Variants in GTPBP2 observed in about 807,000 individuals in gnomAD.
GTPBP2 encodes the protein GTP-binding protein 2.
In GTPBP2, 32 loss-of-function variants were observed where a neutral mutation model predicts 63.0. The observed-to-expected ratio is 0.51, with a 90% CI of 0.38 to 0.68. The LOEUF (loss-of-function observed/expected upper bound fraction) is 0.68. Among genes scored for constraint, GTPBP2 ranks in the 30% least tolerant of loss-of-function variants. GTPBP2 has a pLI of 0.00. For synonymous variants in GTPBP2, 310 were observed against 322.6 expected (o/e 0.96, Z 0.42); for missense variants, 492 against 796.9 (o/e 0.62, Z 4.61).
Position 43,629,236 on chromosome 6 carries a change from C to T in GTPBP2, c.-74G>A. On this transcript the variant is annotated 5_prime_UTR_variant, in exon 1 of 12. It adds an upstream start codon to the 5' untranslated region. Transcript: ENST00000307126. ...GCCGTCGCCGCCGCCCTTACTGCCA[C>T]TGCCGTGTCCGGCCGGCCTGAGCAG... 1 of 1,098,368 alleles carries T rather than the reference C, an allele frequency of 9.1e-7. No homozygotes were observed. 68.0% of individuals were successfully genotyped at this position (1,098,368 alleles called of 1,614,324 possible).
chr6:43,626,346 AGCC>A lies in GTPBP2; in HGVS notation c.275_277del (p.Arg92del). The A allele has an allele frequency of 6.2e-7, 1 of 1,614,148 alleles. No individual in the cohort carries two copies. The highest frequency in any genetic ancestry group is 8.5e-7 in the Non-Finnish European group (1 of 1,180,006). On this transcript the variant is annotated inframe_deletion, in exon 3 of 12. Transcript: ENST00000307126. The surrounding 1 kb of genome is among the most constrained non-coding windows in gnomAD (Gnocchi z 4.0). The stretch of plus-strand genomic sequence containing the variant: ...GACGGCCTCACCACGTCCCTCCTGG[AGCC>A]GCCACTTCATTTGTGTCACCAGGTG...
At chr6:43,630,611 C>T (rs1183777698), upstream of GTPBP2, among the ~76,000 whole-genome samples, 2 of 152,042 alleles carry the variant, frequency 1.3e-5, no homozygotes. Flanking sequence ...GGCGTGGTGG[C>T]GCATGCCTGT....
chr6:43,625,664 A>G lies in GTPBP2; in HGVS notation c.507+92T>C. 1 of 1,397,904 alleles carries G rather than the reference A, an allele frequency of 7.2e-7. No homozygotes were observed. Among genetic ancestry groups the G allele is most frequent in the Non-Finnish European group, 1.0e-6 (1 of 983,624 alleles). 86.6% of individuals were successfully genotyped at this position (1,397,904 alleles called of 1,614,324 possible). A position where few individuals can be genotyped will look rare whatever the true frequency, so the allele number is the denominator to read the frequency against. On this transcript the variant is annotated intron_variant, in intron 4 of 11. Coordinates refer to ENST00000307126, the MANE Select transcript of GTPBP2 (RefSeq NM_019096.5). The surrounding 1 kb of genome is among the most constrained non-coding windows in gnomAD (Gnocchi z 5.1). ...CCCTAGGGAGCAAGTGATGAACTGG[A>G]AGCCCCCAGGATCCCAGGCCAGGAG...
Position 43,624,689 on chromosome 6 carries a change from C to T in GTPBP2, c.921G>A (p.Leu307=). 6.2e-7 allele frequency: 1 copy of T among 1,614,070 alleles called. No individual in the cohort carries two copies. The highest frequency in any genetic ancestry group is 8.5e-7 in the Non-Finnish European group (1 of 1,180,024). ...TREHLGLALA[L]KVPFFIVVSK... is the part of the protein sequence containing the mutation. ...TGACCACGATGAAGAAGGGCACTTT[C>T]AGGGCCAGGGCCAGCCCCAGATGTT... is the stretch of plus-strand genomic sequence containing the variant. The change falls in exon 7 of 12, where the codon CTG becomes CTA. Residue 307 remains leucine (L), a synonymous_variant. Coordinates refer to ENST00000307126, the MANE Select transcript of GTPBP2 (RefSeq NM_019096.5). This position sits in a 1 kb window ranked among gnomAD's most constrained non-coding sequence, Gnocchi z 5.1.
Position 43,621,504 on chromosome 6 carries a change from C to G in GTPBP2, c.*110G>C, listed in dbSNP as rs767972120. 3.2e-6 allele frequency: 5 copies of G among 1,573,742 alleles called. No homozygotes were observed. Among genetic ancestry groups the G allele is most frequent in the Middle Eastern group, 3.3e-4 (2 of 6,024 alleles). On this transcript the variant is annotated 3_prime_UTR_variant, in exon 12 of 12. Coordinates refer to ENST00000307126, the MANE Select transcript of GTPBP2 (RefSeq NM_019096.5). ...AGGGAGCAAGTGGCAGACAGCACCC[C>G]TCTCTCCCTAGCCTATTAACACACA... is the stretch of plus-strand genomic sequence containing the variant.
Position 43,622,785 on chromosome 6 carries a change from C to T in GTPBP2, c.1315G>A (p.Asp439Asn). Residue 439 changes from aspartate (D) to asparagine (N), a missense_variant, in exon 10 of 12, where the codon GAC becomes AAC. By Grantham distance (23) the Asp-to-Asn change is conservative. This residue lies in a region of GTPBP2 where 400 missense variants were observed against 710.8 expected (regional missense o/e 0.56). Transcript: ENST00000307126. This position sits in a 1 kb window ranked among gnomAD's most constrained non-coding sequence, Gnocchi z 5.4. ...TCCGTGGGGCCCACCACCAGCTGGT[C>T]CCCCTCACGGCAAATCCCACTGCAG... ...TLSSGICREG[D>N]QLVVGPTDDG... The T allele has an allele frequency of 6.2e-7, 1 of 1,613,644 alleles. No individual in the cohort carries two copies. Among genetic ancestry groups the T allele is most frequent in the Non-Finnish European group, 8.5e-7 (1 of 1,179,670 alleles).
Position 43,620,979 on chromosome 6 carries a change from T to G in GTPBP2, c.*635A>C. On this transcript the variant is annotated 3_prime_UTR_variant, in exon 12 of 12. Coordinates refer to ENST00000307126, the MANE Select transcript of GTPBP2 (RefSeq NM_019096.5). ...GTGGGGCCTATAAGCCGGGAGGGGA[T>G]GGGGGAGATAGGGACTGGGGAAATG... The G allele has an allele frequency of 5.6e-6, 1 of 178,720 alleles. No homozygotes were observed. Among genetic ancestry groups the G allele is most frequent in the Non-Finnish European group, 1.2e-5 (1 of 83,084 alleles). 11.1% of individuals were successfully genotyped at this position (178,720 alleles called of 1,614,324 possible).
chr6:43,623,624 CA>C, intron 9 of GTPBP2, 112 bp downstream of exon 9: 1 of 795,706 alleles, frequency 1.3e-6, no homozygotes, highest in Non-Finnish European at 2.2e-6. Flanking sequence ...TGCAAATAAG[CA>C]TGTCCTTTAA....
At chr6:43,621,930 G>A in intron 11 of GTPBP2, 73 bp downstream of exon 11, 1 of 1,600,384 alleles carries the variant, frequency 6.2e-7, no homozygotes, top group Non-Finnish European at 8.6e-7. Context: ...GGATCAAGGA[G>A]TTCTCTGCCA....
At chr6:43,628,624 G>C in intron 1 of GTPBP2, 7 of 787,344 alleles carry the variant, frequency 8.9e-6, no homozygotes, top group Non-Finnish European at 1.1e-5. Flanking sequence ...GGTGGTTACT[G>C]TCTGCCTCTC....
chr6:43,627,364 C>A, intron 1 of GTPBP2: 1 of 994,554 alleles, frequency 1.0e-6, no homozygotes, highest in Non-Finnish European at 1.2e-6. Context: ...ACCATTTCCT[C>A]CCTGCCTGCC....
chr6:43,625,467 G>A lies in GTPBP2; in HGVS notation c.601C>T (p.Arg201Trp), dbSNP rs755355753. The A allele has an allele frequency of 2.5e-6, 4 of 1,613,760 alleles. No homozygotes were observed. Among genetic ancestry groups the A allele is most frequent in the East Asian group, 2.2e-5 (1 of 44,866 alleles). The change falls in exon 5 of 12, where the codon CGG (arginine) becomes TGG (tryptophan). Residue 201 changes from arginine to tryptophan, a missense_variant. Coordinates refer to ENST00000307126, the MANE Select transcript of GTPBP2 (RefSeq NM_019096.5). This position sits in a 1 kb window ranked among gnomAD's most constrained non-coding sequence, Gnocchi z 5.1. The part of the protein sequence containing the change: ...VLTQGELDNG[R>W]GRARLNLFRH... ...AAAAGGTTGAGCCGAGCCCGGCCCC[G>A]CCCATTGTCCAGCTCTCCCTGGGTC...
chr6:43,624,614 C>A lies in GTPBP2; in HGVS notation c.996G>T (p.Gln332His). Residue 332 changes from glutamine to histidine, a missense_variant, in exon 7 of 12, where the codon CAG (glutamine) becomes CAT (histidine). By Grantham distance (24) the Gln-to-His change is conservative (BLOSUM62 0). This residue lies in a region of GTPBP2 where 400 missense variants were observed against 710.8 expected (regional missense o/e 0.56). Transcript: ENST00000307126. This position sits in a 1 kb window ranked among gnomAD's most constrained non-coding sequence, Gnocchi z 5.1. Reference protein sequence around the residue: ...AKTTVERTVRQLERVLKQPGC... With the variant: ...AKTTVERTVRHLERVLKQPGC... ...CAGGCTGCTTGAGGACCCGCTCCAG[C>A]TGGCGTACTGTCCTCTCCACTGTGG... The A allele has an allele frequency of 6.2e-7, 1 of 1,614,152 alleles. No homozygotes were observed. The highest frequency in any genetic ancestry group is 8.5e-7 in the Non-Finnish European group (1 of 1,179,996).
chr6:43,628,781 C>G (rs976254165), intron 1 of GTPBP2, 196 bp downstream of exon 1: 1 of 799,582 alleles, frequency 1.3e-6, no homozygotes, highest in Non-Finnish European at 2.3e-6. Flanking sequence ...TCCCTGAGGT[C>G]CTGTCACCTG....
Position 43,626,801 on chromosome 6 carries a change from C to G in GTPBP2, c.213+121G>C. 6 of 812,436 alleles carry G rather than the reference C, an allele frequency of 7.4e-6. No individual in the cohort carries two copies. The South Asian group carries it at 1.0e-4, about 14-fold the overall frequency. 50.3% of individuals were successfully genotyped at this position (812,436 alleles called of 1,614,324 possible). On this transcript the variant is annotated intron_variant, in intron 2 of 11. Transcript: ENST00000307126. The surrounding 1 kb of genome is among the most constrained non-coding windows in gnomAD (Gnocchi z 4.0). ...TGAGATTGCGCCACTGCACTCCAGC[C>G]TAGGCAACAAGAGCAAAACTTCATC... is the stretch of plus-strand genomic sequence containing the variant.
intron 1 of GTPBP2, chr6:43,627,316 G>C (rs1769450419): frequency 9.5e-7 from 1 of 1,051,094 alleles, no homozygotes; most frequent in Admixed American, 5.3e-5. Context: ...TCTGTGCCCA[G>C]GCTGTTAAAA....
At position 43,622,969 on chromosome 6, in the gene GTPBP2, G is replaced by C. The variant is rs1252363723; in HGVS notation, c.1296-165C>G. ...TAACAGGGCTCACTGCCAGAGTTCA[G>C]AATCAGAAGACTAATTTCATAAAAG... On this transcript the variant is annotated intron_variant, in intron 9 of 11. Transcript: ENST00000307126. This position sits in a 1 kb window ranked among gnomAD's most constrained non-coding sequence, Gnocchi z 5.4. The C allele has an allele frequency of 1.7e-6, 1 of 587,874 alleles. No homozygotes were observed. The allele number at this position is 587,874 out of a possible 1,614,324, so 36.4% of individuals were successfully genotyped here.
Position 43,626,303 on chromosome 6 carries a change from C to T in GTPBP2, c.321G>A (p.Glu107=). The T allele has an allele frequency of 1.2e-6, 2 of 1,614,140 alleles. No individual in the cohort carries two copies. Among genetic ancestry groups the T allele is most frequent in the Non-Finnish European group, 1.7e-6 (2 of 1,179,932 alleles). Residue 107 remains glutamate, a synonymous_variant, in exon 3 of 12, where the codon GAG becomes GAA. Coordinates refer to ENST00000307126, the MANE Select transcript of GTPBP2 (RefSeq NM_019096.5). This position sits in a 1 kb window ranked among gnomAD's most constrained non-coding sequence, Gnocchi z 4.0. Reference sequence around the variant, plus strand: ...CCAGCCCCACCAGCAGCCCATTGTCCTCTACCCCAATCTGGTAGACGGCCT... The same window carrying T: ...CCAGCCCCACCAGCAGCCCATTGTCTTCTACCCCAATCTGGTAGACGGCCT... ...RGEAVYQIGV[E]DNGLLVGLAE...
Position 43,625,461 on chromosome 6 carries a change from G to C in GTPBP2, c.607C>G (p.Arg203Gly), listed in dbSNP as rs754279234. The C allele has an allele frequency of 6.2e-7, 1 of 1,613,900 alleles. No homozygotes were observed. Among genetic ancestry groups the C allele is most frequent in the Non-Finnish European group, 8.5e-7 (1 of 1,179,950 alleles). The change falls in exon 5 of 12, where the codon CGG becomes GGG. Residue 203 changes from arginine (R) to glycine (G), a missense_variant. By Grantham distance (125) the Arg-to-Gly change is moderately radical. This residue lies in a region of GTPBP2 where 400 missense variants were observed against 710.8 expected (regional missense o/e 0.56). Coordinates refer to ENST00000307126, the MANE Select transcript of GTPBP2 (RefSeq NM_019096.5). The surrounding 1 kb of genome is among the most constrained non-coding windows in gnomAD (Gnocchi z 5.1). ...TGGCGGAAAAGGTTGAGCCGAGCCC[G>C]GCCCCGCCCATTGTCCAGCTCTCCC... The part of the protein sequence containing the change: ...TQGELDNGRG[R>G]ARLNLFRHLH...
Sources: allele counts gnomAD v4.1 joint callset (sites outside exome capture counted in the v4.1 genomes callset), GRCh38; gene constraint gnomAD v4.1.1; regional missense constraint gnomAD v4.1.1; non-coding constraint Gnocchi (gnomAD v3.1); transcripts MANE v1.5; gene names NCBI Gene and HGNC (gene_info 2026-07-23, HGNC 2026-07-21).